Variants in ANOS1 observed in about 807,000 individuals in gnomAD.
The protein encoded by ANOS1 is anosmin-1.
Under a neutral mutation model 59.0 loss-of-function variants are expected in ANOS1, and 6 were observed. That is an observed-to-expected ratio of 0.10 (90% CI 0.06 to 0.20). The LOEUF (loss-of-function observed/expected upper bound fraction) is 0.20. ANOS1 is among the 10% of genes least tolerant of loss of function. The pLI, the probability that ANOS1 is intolerant of heterozygous loss-of-function variation, is 1.00. For synonymous variants in ANOS1, 217 were observed against 223.4 expected (o/e 0.97, Z 0.25); for missense variants, 433 against 542.3 (o/e 0.80, Z 2.00).
At chrX:8,580,269 T>C (rs1442401336) in intron 6 of ANOS1, among the ~76,000 whole-genome samples, 1 of 112,184 alleles carries the variant, frequency 8.9e-6, no homozygotes, top group Non-Finnish European at 1.9e-5. Flanking sequence ...TCTATTAAAC[T>C]ATTATGCATC....
chrX:8,559,470 C>T lies in ANOS1; in HGVS notation c.1208-5372G>A, dbSNP rs1221485316. Among the ~76,000 whole-genome samples, 3 of 111,821 alleles carry T rather than the reference C, an allele frequency of 2.7e-5. No individual in the cohort carries two copies. In the East Asian group the frequency reaches 8.4e-4, roughly 31 times the overall value. On this transcript the variant is annotated intron_variant, in intron 8 of 13. Transcript: ENST00000262648. ...TCCAGTGGAAGATAGAGATATGCTA[C>T]TATAAATCAAAACACCATTAAATAT...
intron 2 of ANOS1, among the ~76,000 whole-genome samples, chrX:8,661,815 G>T (rs978091043): frequency 9.0e-6 from 1 of 111,209 alleles, no homozygotes; most frequent in African/African-American, 3.3e-5. Flanking sequence ...AAAAACAACA[G>T]CATCGCGTTT....
At chrX:8,723,675 C>T (rs142409801) in intron 1 of ANOS1, among the ~76,000 whole-genome samples, 1 of 112,277 alleles carries the variant, frequency 8.9e-6, no homozygotes, top group East Asian at 2.8e-4. Context: ...TCTCCCCTCA[C>T]CTCTTTGAAA....
intron 2 of ANOS1, among the ~76,000 whole-genome samples, chrX:8,684,735 C>T (rs897848584): frequency 5.5e-5 from 6 of 110,005 alleles, no homozygotes; most frequent in African/African-American, 1.7e-4. Context: ...TTAATAGTCC[C>T]GAAGCCATTG....
intron 3 of ANOS1, among the ~76,000 whole-genome samples, chrX:8,616,906 G>T (rs369916594): frequency 9.8e-5 from 11 of 112,253 alleles, no homozygotes; most frequent in East Asian, 5.6e-4. Flanking sequence ...TCCTTAAAAG[G>T]AAGTACTCAG....
chrX:8,624,868 G>A, intron 2 of ANOS1, among the ~76,000 whole-genome samples: 1 of 110,516 alleles, frequency 9.0e-6, no homozygotes, highest in Non-Finnish European at 1.9e-5. Flanking sequence ...AGCACTTTGG[G>A]AGGCTGAGGT....
chrX:8,702,722 C>T (rs889936214), intron 1 of ANOS1, among the ~76,000 whole-genome samples: 2 of 112,223 alleles, frequency 1.8e-5, no homozygotes, highest in Non-Finnish European at 3.8e-5. Flanking sequence ...CTTCCAAGGA[C>T]GACACCTGTC....
intron 3 of ANOS1, among the ~76,000 whole-genome samples, chrX:8,598,759 G>A (rs752118038): frequency 2.7e-5 from 3 of 112,266 alleles, no homozygotes; most frequent in Admixed American, 9.4e-5. Flanking sequence ...TAACAAAATA[G>A]ATGTATTTGT....
chrX:8,708,690 T>G (rs1250112932), intron 1 of ANOS1, among the ~76,000 whole-genome samples: 1 of 112,011 alleles, frequency 8.9e-6, no homozygotes, highest in Non-Finnish European at 1.9e-5. Flanking sequence ...TCAACCATTG[T>G]GGAAGACAGT....
At chrX:8,594,644 ATATATATATATGTG>A (rs1338169708) in intron 4 of ANOS1, among the ~76,000 whole-genome samples, 2 of 57,615 alleles carry the variant, frequency 3.5e-5, no homozygotes, top group African/African-American at 7.9e-5. Context: ...AAAAATCTAC[ATATATATATATGTG>A]TATATATATA....
At chrX:8,556,057 T>C (rs1929944050) in intron 8 of ANOS1, among the ~76,000 whole-genome samples, 1 of 112,077 alleles carries the variant, frequency 8.9e-6, no homozygotes, top group Non-Finnish European at 1.9e-5. Context: ...ATCCATCACA[T>C]AAACAGAACC....
intron 2 of ANOS1, among the ~76,000 whole-genome samples, chrX:8,671,271 T>C (rs766643699): frequency 1.1e-4 from 12 of 111,854 alleles, no homozygotes; most frequent in African/African-American, 2.9e-4. Context: ...CTCAGTGCCA[T>C]TGTACGTGCT....
chrX:8,569,823 G>A (rs922554392), intron 7 of ANOS1, among the ~76,000 whole-genome samples: 1 of 111,727 alleles, frequency 9.0e-6, no homozygotes, highest in East Asian at 2.8e-4. Flanking sequence ...AGGTATTTAT[G>A]TAAATTTTAT....
Position 8,615,276 on chromosome X carries a change from G to C in ANOS1, c.318+8332C>G, listed in dbSNP as rs1931148037. 6.3e-5 allele frequency among the ~76,000 whole-genome samples: 7 copies of C among 111,722 alleles called. No homozygotes were observed. The South Asian group carries it at 2.6e-3, about 41-fold the overall frequency. ...AATTGTCTATGTGGCTGAGTGCGGT[G>C]GCTCACGCCTGTAATTCCAACACTT... On this transcript the variant is annotated intron_variant, in intron 3 of 13. Coordinates refer to ENST00000262648, the MANE Select transcript of ANOS1 (RefSeq NM_000216.4).
chrX:8,702,118 C>T (rs934101537), intron 1 of ANOS1, among the ~76,000 whole-genome samples: 5 of 110,441 alleles, frequency 4.5e-5, no homozygotes, highest in Non-Finnish European at 7.6e-5. Context: ...ACATCTGGGC[C>T]CTCATCTCTC....
At chrX:8,672,159 T>C (rs1284612013) in intron 2 of ANOS1, among the ~76,000 whole-genome samples, 15 of 107,037 alleles carry the variant, frequency 1.4e-4, no homozygotes, top group African/African-American at 5.0e-4. Flanking sequence ...TATACACACA[T>C]GCACATACAC....
intron 2 of ANOS1, among the ~76,000 whole-genome samples, chrX:8,640,901 C>T (rs1931652907): frequency 8.9e-6 from 1 of 111,822 alleles, no homozygotes; most frequent in African/African-American, 3.2e-5. Context: ...TGACCAAAGT[C>T]AATAGTTCAA....
chrX:8,592,968 A>C, intron 4 of ANOS1, among the ~76,000 whole-genome samples: 1 of 111,878 alleles, frequency 8.9e-6, no homozygotes, highest in African/African-American at 3.2e-5. Flanking sequence ...CGCTTTTAAA[A>C]ACTCAAGTGA....
intron 9 of ANOS1, among the ~76,000 whole-genome samples, chrX:8,552,729 A>C (rs1212181674): frequency 9.0e-6 from 1 of 110,894 alleles, no homozygotes; most frequent in African/African-American, 3.3e-5. Flanking sequence ...TTAAAATTTT[A>C]ATATTAATAA....
Sources: gnomAD v4.1 joint callset for allele counts (sites outside exome capture counted in the v4.1 genomes callset) on GRCh38, gnomAD v4.1.1 for gene constraint, MANE v1.5 for transcripts, NCBI Gene and HGNC (gene_info 2026-07-23, HGNC 2026-07-21) for gene names.